MAD1L1: variants seen among roughly 807,000 people sequenced by gnomAD.
MAD1L1 encodes mitotic spindle assembly checkpoint protein MAD1.
A neutral mutation model predicts 96.9 loss-of-function variants in MAD1L1; 95 were observed. That is an observed-to-expected ratio of 0.98 (90% CI 0.83 to 1.16). MAD1L1 has a LOEUF of 1.16. Ranked by LOEUF, MAD1L1 falls within the 50% of genes most tolerant of loss-of-function variation. MAD1L1 has a pLI of 0.00. For synonymous variants in MAD1L1, 473 were observed against 396.6 expected (o/e 1.19, Z -2.29); for missense variants, 1,007 against 954.4 (o/e 1.06, Z -0.73).
intron 3 of MAD1L1, among the ~76,000 whole-genome samples, chr7:2,228,282 CA>C (rs1794011399): frequency 4.6e-5 from 7 of 152,154 alleles, no homozygotes; most frequent in Admixed American, 4.6e-4. Flanking sequence ...CATTTCAGAC[CA>C]GAGTTGCCAA....
chr7:2,123,562 A>G (rs1457186072), intron 11 of MAD1L1, among the ~76,000 whole-genome samples: 1 of 152,158 alleles, frequency 6.6e-6, no homozygotes, highest in African/African-American at 2.4e-5. Context: ...CAGTCCACCC[A>G]GGGAGCACCC....
In MAD1L1 at chr7:1,936,886, G is replaced by T; in HGVS notation, c.1608C>A (p.Asp536Glu). The T allele has an allele frequency of 6.3e-7, 1 of 1,596,276 alleles. No homozygotes were observed. Among genetic ancestry groups the T allele is most frequent in the Non-Finnish European group, 8.5e-7 (1 of 1,170,090 alleles). Residue 536 changes from aspartate to glutamate, a missense_variant, in exon 17 of 19, where the codon GAC becomes GAA. Asp to Glu is a conservative substitution (Grantham distance 45, BLOSUM62 2). Coordinates refer to ENST00000265854, the MANE Select transcript of MAD1L1 (RefSeq NM_001013836.2). ...LERRALQGDY[D>E]QSRTKVLHMS... ...TGTGCAGCACTTTGGTCCTGCTCTGGTCATAGTCACCCTGCAGGAACACAC... is the reference window on the plus strand; with the variant it reads ...TGTGCAGCACTTTGGTCCTGCTCTGTTCATAGTCACCCTGCAGGAACACAC...
chr7:2,015,318 G>T (rs913664235), intron 12 of MAD1L1, among the ~76,000 whole-genome samples: 8 of 152,180 alleles, frequency 5.3e-5, no homozygotes, highest in African/African-American at 1.7e-4. Context: ...CCAGGATGTC[G>T]GAGGCCACAC....
chr7:2,091,269 G>A (rs1786197945), intron 11 of MAD1L1, among the ~76,000 whole-genome samples: 1 of 152,130 alleles, frequency 6.6e-6, no homozygotes, highest in Non-Finnish European at 1.5e-5. Flanking sequence ...CGAGAACAGT[G>A]CTTGGAAGCC....
At chr7:2,085,069 A>T (rs1023213112) in intron 11 of MAD1L1, among the ~76,000 whole-genome samples, 1 of 152,230 alleles carries the variant, frequency 6.6e-6, no homozygotes, top group Non-Finnish European at 1.5e-5. Flanking sequence ...GCCAGCAGTC[A>T]GTGATGAGCA....
intron 17 of MAD1L1, among the ~76,000 whole-genome samples, chr7:1,900,040 T>C (rs1787144923): frequency 6.6e-6 from 1 of 152,126 alleles, no homozygotes; most frequent in South Asian, 2.1e-4. Flanking sequence ...TCAGAGGTGT[T>C]AGGCCAGATC....
intron 11 of MAD1L1, among the ~76,000 whole-genome samples, chr7:2,090,190 G>A (rs1562676563): frequency 6.6e-6 from 1 of 152,112 alleles, no homozygotes. Context: ...CACCACCCCT[G>A]GGGTTCTAAG....
rs545713897 is a variant in MAD1L1, at chr7:2,138,188, C to CT, written c.1073+10963dup. On this transcript the variant is annotated intron_variant, in intron 11 of 18. Transcript: ENST00000265854. ...TCATGGGGGTGGGAGGAAATGCCAG[C>CT]TTTTTTTTAACTTGCTAAAGAGGGT... is the stretch of plus-strand genomic sequence containing the variant. Among the ~76,000 whole-genome samples the CT allele has an allele frequency of 1.7e-3, 253 of 152,124 alleles. 1 individual carries two copies. Among genetic ancestry groups the CT allele is most frequent in the Admixed American group, 0.014 (219 of 15,288 alleles).
intron 15 of MAD1L1, among the ~76,000 whole-genome samples, chr7:1,977,786 G>A (rs1780713466): frequency 6.6e-6 from 1 of 152,264 alleles, no homozygotes; most frequent in Admixed American, 6.5e-5. Context: ...AGAAAGCAGA[G>A]TGCCATCTCA....
intron 16 of MAD1L1, among the ~76,000 whole-genome samples, chr7:1,946,628 C>A (rs1414997293): frequency 6.6e-6 from 1 of 152,248 alleles, no homozygotes; most frequent in South Asian, 2.1e-4. Context: ...TGCTGCTACC[C>A]AGCGCGGTTA....
intron 18 of MAD1L1, among the ~76,000 whole-genome samples, chr7:1,857,483 G>C (rs1057256179): frequency 2.0e-5 from 3 of 152,158 alleles, no homozygotes; most frequent in African/African-American, 7.2e-5. Context: ...CCCACCCCGC[G>C]TGTGCAGCTG....
intron 18 of MAD1L1, among the ~76,000 whole-genome samples, chr7:1,862,047 C>G (rs111317101): frequency 0.02 from 3,058 of 152,282 alleles, 99 homozygotes; most frequent in African/African-American, 0.069. Flanking sequence ...TTGAAGGCCT[C>G]CTAGACCTGC....
intron 13 of MAD1L1, among the ~76,000 whole-genome samples, chr7:2,012,130 G>C (rs1406364974): frequency 2.0e-5 from 3 of 152,244 alleles, no homozygotes; most frequent in Non-Finnish European, 4.4e-5. Context: ...CCCACTAGCA[G>C]GGTGAGGGCT....
chr7:1,873,799 T>C (rs1456892648), intron 18 of MAD1L1, among the ~76,000 whole-genome samples: 1 of 151,704 alleles, frequency 6.6e-6, no homozygotes, highest in Non-Finnish European at 1.5e-5. Flanking sequence ...GGGAGACGTG[T>C]GTTTGGGGAG....
At chr7:2,222,371 C>T (rs916861072) in intron 5 of MAD1L1, among the ~76,000 whole-genome samples, 5 of 152,196 alleles carry the variant, frequency 3.3e-5, no homozygotes, top group Admixed American at 2.6e-4. Context: ...TGAGCCACCG[C>T]GCCCGGCCCA....
chr7:2,021,250 T>G (rs1782775983), intron 12 of MAD1L1, among the ~76,000 whole-genome samples: 1 of 151,952 alleles, frequency 6.6e-6, no homozygotes, highest in Non-Finnish European at 1.5e-5. Context: ...TACCAAAAAC[T>G]CCACACTTAG....
chr7:2,164,549 G>A (rs1392050986), intron 10 of MAD1L1, among the ~76,000 whole-genome samples: 17 of 127,624 alleles, frequency 1.3e-4, no homozygotes, highest in African/African-American at 4.9e-4. Flanking sequence ...GATATGTTAA[G>A]TGACAGAATC....
chr7:2,000,597 C>G (rs6955417), intron 14 of MAD1L1, among the ~76,000 whole-genome samples: 1,720 of 152,308 alleles, frequency 0.011, 31 homozygotes, highest in African/African-American at 0.04. Context: ...AGAGCGGCCC[C>G]GGGAGAATGC....
chr7:1,989,449 G>A (rs1448079347), intron 14 of MAD1L1, among the ~76,000 whole-genome samples: 2 of 152,264 alleles, frequency 1.3e-5, no homozygotes, highest in African/African-American at 4.8e-5. Flanking sequence ...CTCCGGTGGG[G>A]CCGACAGGGA....
Sources: allele counts gnomAD v4.1 joint callset (sites outside exome capture counted in the v4.1 genomes callset), GRCh38; gene constraint gnomAD v4.1.1; transcripts MANE v1.5; gene names NCBI Gene and HGNC (gene_info 2026-07-23, HGNC 2026-07-21).